TRAPPC6B: variants seen among roughly 807,000 people sequenced by gnomAD.
TRAPPC6B encodes trafficking protein particle complex subunit 6B.
Under a neutral mutation model 24.7 loss-of-function variants are expected in TRAPPC6B, and 27 were observed. That is an observed-to-expected ratio of 1.09 (90% confidence interval 0.81 to 1.51). TRAPPC6B has a LOEUF of 1.51. TRAPPC6B is among the 40% of genes most tolerant of loss of function. The probability of loss-of-function intolerance (pLI) is 0.00; values close to 1 mark genes in which losing one functional copy is unlikely to be tolerated. For synonymous variants in TRAPPC6B, 80 were observed against 66.6 expected, an observed-to-expected ratio of 1.20 and a Z score of -0.98; for missense variants, 212 against 190.8, an observed-to-expected ratio of 1.11 and a Z score of -0.66.
At chr14:39,164,303 C>T (rs184769954) in intron 1 of TRAPPC6B, among the ~76,000 whole-genome samples, 211 of 152,212 alleles carry the variant, frequency 1.4e-3, no homozygotes, top group Admixed American at 4.3e-3. Context: ...CCAGCTTTAC[C>T]GACACGGAAA....
chr14:39,158,245 T>A (rs1392918527), intron 3 of TRAPPC6B, 40 bp downstream of exon 3: 1 of 1,092,910 alleles, frequency 9.1e-7, no homozygotes. Flanking sequence ...TATATCAAGT[T>A]AAAGGACTTT....
chr14:39,161,435 G>A (rs1189832068), intron 1 of TRAPPC6B, among the ~76,000 whole-genome samples: 1 of 152,158 alleles, frequency 6.6e-6, no homozygotes, highest in Non-Finnish European at 1.5e-5. Flanking sequence ...CTGAGCAACA[G>A]TGCTTACGTC....
chr14:39,152,083 TCTA>T (rs1487981564), intron 4 of TRAPPC6B, among the ~76,000 whole-genome samples: 3 of 152,162 alleles, frequency 2.0e-5, no homozygotes, highest in Non-Finnish European at 4.4e-5. Context: ...GGACTGTGAA[TCTA>T]GACTCAGTGA....
Position 39,165,088 on chromosome 14 carries a change from C to T in TRAPPC6B, c.81+4927G>A, listed in dbSNP as rs575257733. ...TGAGACGGAGTCTCGCTCAGTTGCC[C>T]AGGCTGGAGTGTAGTGGCGTGATCT... On this transcript the variant is annotated intron_variant, in intron 1 of 5. Transcript: ENST00000330149. Among the ~76,000 whole-genome samples the T allele has an allele frequency of 7.4e-4, 112 of 151,602 alleles. 1 individual carries two copies. Among genetic ancestry groups the T allele is most frequent in the African/African-American group, 2.5e-3 (105 of 41,286 alleles).
chr14:39,153,649 A>G (rs1332477644), intron 4 of TRAPPC6B, among the ~76,000 whole-genome samples: 2 of 149,400 alleles, frequency 1.3e-5, no homozygotes. Flanking sequence ...AAAAAAAGTG[A>G]TCTACCATAC....
intron 1 of TRAPPC6B, among the ~76,000 whole-genome samples, chr14:39,160,116 C>T (rs546901855): frequency 1.1e-4 from 16 of 152,226 alleles, no homozygotes; most frequent in African/African-American, 3.9e-4. Context: ...GCGTGAGCCA[C>T]CGCGCCCAGA....
chr14:39,158,440 T>A (rs761663771), intron 2 of TRAPPC6B, 38 bp from the exon 3 acceptor site: 1 of 1,255,754 alleles, frequency 8.0e-7, no homozygotes, highest in East Asian at 2.4e-5. Flanking sequence ...GTATTTCTCC[T>A]CCAAAAAAAG....
At chr14:39,155,870 C>G (rs552466983) in intron 3 of TRAPPC6B, among the ~76,000 whole-genome samples, 1 of 152,072 alleles carries the variant, frequency 6.6e-6, no homozygotes, top group Non-Finnish European at 1.5e-5. Context: ...TTGCTGTTAT[C>G]CAGGCAAAAG....
Position 39,148,506 on chromosome 14 carries a change from G to A in TRAPPC6B, c.*1844C>T, listed in dbSNP as rs902705287. On this transcript the variant is annotated 3_prime_UTR_variant, in exon 6 of 6. Coordinates refer to ENST00000330149, the MANE Select transcript of TRAPPC6B (RefSeq NM_001079537.2). ...AGGAAGGGAGAACGAAATGGCTGAT[G>A]GGTAGGCATATGAATGTCTAACAAA... is the stretch of plus-strand genomic sequence containing the variant. 6 of 394,884 alleles carry A rather than the reference G, an allele frequency of 1.5e-5. No homozygotes were observed. The highest frequency in any genetic ancestry group is 6.3e-4 in the Middle Eastern group (1 of 1,586). The allele number at this position is 394,884 out of a possible 1,614,324, so 24.5% of individuals were successfully genotyped here. A position where few individuals can be genotyped will look rare whatever the true frequency, so the allele number is the denominator to read the frequency against.
intron 3 of TRAPPC6B, chr14:39,157,100 C>G: frequency 6.7e-6 from 1 of 149,524 alleles, no homozygotes; most frequent in Non-Finnish European, 1.2e-5. Context: ...CAGCAAGACT[C>G]CATCTCAAAA....
chr14:39,159,995 G>A (rs916276381), intron 1 of TRAPPC6B, among the ~76,000 whole-genome samples: 1 of 151,944 alleles, frequency 6.6e-6, no homozygotes, highest in African/African-American at 2.4e-5. Context: ...GTTAATTTTT[G>A]TATTTTTAGT....
intron 1 of TRAPPC6B, among the ~76,000 whole-genome samples, chr14:39,161,709 AC>A (rs1329433443): frequency 6.6e-6 from 1 of 151,960 alleles, no homozygotes; most frequent in Non-Finnish European, 1.5e-5. Context: ...CTTCAAACCA[AC>A]CCACCAGGTA....
intron 1 of TRAPPC6B, among the ~76,000 whole-genome samples, chr14:39,161,577 A>T (rs905245955): frequency 6.6e-6 from 1 of 152,220 alleles, no homozygotes; most frequent in Non-Finnish European, 1.5e-5. Context: ...TACAGAATTC[A>T]TATAAAATGC....
chr14:39,159,332 G>A, intron 2 of TRAPPC6B, 151 bp downstream of exon 2: 3 of 412,976 alleles, frequency 7.3e-6, no homozygotes, highest in Non-Finnish European at 1.3e-5. Context: ...AAATGGCATT[G>A]GATCTAAAAA....
In TRAPPC6B at chr14:39,150,143, T is replaced by C. The variant is rs2052895863; in HGVS notation, c.*207A>G. 4.3e-6 allele frequency: 2 copies of C among 467,848 alleles called. No individual in the cohort carries two copies. Among genetic ancestry groups the C allele is most frequent in the Admixed American group, 4.3e-5 (1 of 23,148 alleles). The allele number at this position is 467,848 out of a possible 1,614,324, so 29.0% of individuals were successfully genotyped here. A position where few individuals can be genotyped will look rare whatever the true frequency, so the allele number is the denominator to read the frequency against. ...CATCTTGGTGTCTGGTTATTTGAAA[T>C]CCGGTTTTCATTTTGAATAGTTTTG... On this transcript the variant is annotated 3_prime_UTR_variant, in exon 6 of 6. Transcript: ENST00000330149.
At chr14:39,152,870 G>C (rs1205409480) in intron 4 of TRAPPC6B, among the ~76,000 whole-genome samples, 1 of 152,194 alleles carries the variant, frequency 6.6e-6, no homozygotes, top group Non-Finnish European at 1.5e-5. Flanking sequence ...ATTAAACTAA[G>C]AAGTTAGTAA....
chr14:39,163,877 T>A (rs1453317010), intron 1 of TRAPPC6B, among the ~76,000 whole-genome samples: 1 of 150,932 alleles, frequency 6.6e-6, no homozygotes, highest in Non-Finnish European at 1.5e-5. Flanking sequence ...TATTAATGTC[T>A]TCAGCCTGCT....
intron 1 of TRAPPC6B, among the ~76,000 whole-genome samples, chr14:39,167,108 C>G (rs908298919): frequency 6.6e-6 from 1 of 152,182 alleles, no homozygotes; most frequent in Non-Finnish European, 1.5e-5. Flanking sequence ...GAATTAAGCC[C>G]TACTACTTAA....
In TRAPPC6B at chr14:39,150,338, T is replaced by C; in HGVS notation, c.*12A>G. 6.3e-7 allele frequency: 1 copy of C among 1,582,242 alleles called. No individual in the cohort carries two copies. The highest frequency in any genetic ancestry group is 8.5e-7 in the Non-Finnish European group (1 of 1,170,504). On this transcript the variant is annotated 3_prime_UTR_variant, in exon 6 of 6. Transcript: ENST00000330149. ...CTCTTTACACTGTTGAAGCCTTGCA[T>C]TTCAGTATGTTCTACAGCTTCTGTA...
Sources: gnomAD v4.1 joint callset for allele counts (sites outside exome capture counted in the v4.1 genomes callset) on GRCh38, gnomAD v4.1.1 for gene constraint, MANE v1.5 for transcripts, NCBI Gene and HGNC (gene_info 2026-07-23, HGNC 2026-07-21) for gene names.